The following ARPC1A variants were observed in gnomAD, a reference collection of about 807,000 sequenced individuals.
The protein encoded by ARPC1A is actin related protein 2/3 complex subunit 1A.
Under a neutral mutation model 46.9 loss-of-function variants are expected in ARPC1A, and 8 were observed. The ratio of observed to expected loss-of-function variants is 0.17; its 90% CI spans 0.10 to 0.31. The LOEUF is 0.31. ARPC1A is among the 10% of genes least tolerant of loss of function. The pLI is 1.00. For missense variants in ARPC1A, 286 were observed against 483.6 expected (o/e 0.59, Z 3.83); for synonymous variants, 152 against 169.0 (o/e 0.90, Z 0.78).
At chr7:99,342,313 G>C (rs578007527) in intron 3 of ARPC1A, among the ~76,000 whole-genome samples, 1 of 152,076 alleles carries the variant, frequency 6.6e-6, no homozygotes, top group Non-Finnish European at 1.5e-5. Flanking sequence ...AGTGCTTTGG[G>C]AGGCTGAGGC....
rs201871541 is a variant in ARPC1A at position 99,348,992 on chromosome 7, C to T, written c.500+33C>T. 219 of 1,542,282 alleles carry T rather than the reference C, an allele frequency of 1.4e-4. 1 individual carries two copies. The East Asian group carries it at 3.2e-3, about 22-fold the overall frequency. On this transcript the variant is annotated intron_variant, in intron 5 of 9. Transcript: ENST00000262942. ...CCAGTGAGAACTGATAAACTTGAGC[C>T]GTGCATTCTTCATCCTTCAACAAAT...
chr7:99,337,022 A>G (rs1306339301), intron 2 of ARPC1A, among the ~76,000 whole-genome samples: 1 of 152,276 alleles, frequency 6.6e-6, no homozygotes, highest in East Asian at 1.9e-4. Flanking sequence ...AAAAAAAGAT[A>G]CATGAATACA....
chr7:99,326,672 C>G (rs1310528245), intron 1 of ARPC1A, among the ~76,000 whole-genome samples: 1 of 152,222 alleles, frequency 6.6e-6, no homozygotes, highest in Non-Finnish European at 1.5e-5. Flanking sequence ...TAAAAAGATT[C>G]TTACCGTTTT....
At chr7:99,332,247 G>T (rs1391413902) in intron 1 of ARPC1A, among the ~76,000 whole-genome samples, 5 of 152,116 alleles carry the variant, frequency 3.3e-5, no homozygotes, top group Admixed American at 2.6e-4. Flanking sequence ...TGTTGTGTTG[G>T]CATAATTATT....
At chr7:99,332,074 A>G (rs192687523) in intron 1 of ARPC1A, among the ~76,000 whole-genome samples, 25 of 152,222 alleles carry the variant, frequency 1.6e-4, no homozygotes, top group Admixed American at 7.2e-4. Flanking sequence ...TTAACTGTTT[A>G]TTTCCTCCTT....
chr7:99,326,206 T>C (rs1793044431), intron 1 of ARPC1A, among the ~76,000 whole-genome samples: 1 of 152,144 alleles, frequency 6.6e-6, no homozygotes, highest in African/African-American at 2.4e-5. Context: ...TTTCTCAGGA[T>C]GTTCGAGCTC....
intron 3 of ARPC1A, among the ~76,000 whole-genome samples, chr7:99,342,370 T>C (rs1793369094): frequency 6.6e-6 from 1 of 151,994 alleles, no homozygotes; most frequent in African/African-American, 2.4e-5. Context: ...CTGGGCAACA[T>C]GGTGAAACCC....
In ARPC1A at chr7:99,325,948, C is replaced by T. The variant is rs1345806989; in HGVS notation, c.-86C>T. On this transcript the variant is annotated 5_prime_UTR_variant, in exon 1 of 10. Coordinates refer to ENST00000262942, the MANE Select transcript of ARPC1A (RefSeq NM_006409.4). Reference sequence around the variant, plus strand: ...GCCCGACGGAGCCTGTTCGCGTCGACTGCCCAGAGTCCGCGAATCCTCCGC... The same window carrying T: ...GCCCGACGGAGCCTGTTCGCGTCGATTGCCCAGAGTCCGCGAATCCTCCGC... 1 of 152,598 alleles carries T rather than the reference C, an allele frequency of 6.6e-6. No homozygotes were observed. The highest frequency in any genetic ancestry group is 1.5e-5 in the Non-Finnish European group (1 of 68,072). The allele number at this position is 152,598 out of a possible 1,614,324, so 9.5% of individuals were successfully genotyped here.
intron 8 of ARPC1A, 159 bp downstream of exon 8, chr7:99,359,897 C>A (rs1054510803): frequency 7.1e-6 from 6 of 843,734 alleles, no homozygotes; most frequent in African/African-American, 6.8e-5. Context: ...GACCGCCAGG[C>A]TCTCATTTCC....
At chr7:99,362,320 G>A (rs1390551600) in intron 8 of ARPC1A, among the ~76,000 whole-genome samples, 1 of 147,052 alleles carries the variant, frequency 6.8e-6, no homozygotes, top group Non-Finnish European at 1.5e-5. Flanking sequence ...AAATAAAAAT[G>A]TAAAACCCCG....
chr7:99,354,867 C>G (rs967290104), intron 6 of ARPC1A, among the ~76,000 whole-genome samples: 12 of 152,040 alleles, frequency 7.9e-5, no homozygotes, highest in African/African-American at 2.9e-4. Flanking sequence ...AATCCCAGCA[C>G]TTTGGGAGGC....
chr7:99,339,157 A>G (rs976490136), intron 3 of ARPC1A, among the ~76,000 whole-genome samples: 4 of 152,166 alleles, frequency 2.6e-5, no homozygotes, highest in Non-Finnish European at 5.9e-5. Flanking sequence ...GTCACCTCTC[A>G]CCAGCAGTCC....
chr7:99,347,785 C>T (rs908877545), intron 4 of ARPC1A, among the ~76,000 whole-genome samples: 5 of 150,212 alleles, frequency 3.3e-5, no homozygotes, highest in African/African-American at 9.8e-5. Flanking sequence ...GCTGAGATCA[C>T]GCCATTGCAC....
chr7:99,348,807 A>G, intron 4 of ARPC1A, 45 bp from the exon 5 acceptor site: 1 of 1,507,018 alleles, frequency 6.6e-7, no homozygotes, highest in Non-Finnish European at 9.2e-7. Context: ...TCATTTGGGG[A>G]TGCTGGTTGA....
At chr7:99,336,271 A>C (rs1342485895) in intron 2 of ARPC1A, among the ~76,000 whole-genome samples, 1 of 152,124 alleles carries the variant, frequency 6.6e-6, no homozygotes, top group Non-Finnish European at 1.5e-5. Context: ...GGCTTTTGAA[A>C]TCTCTATATA....
At chr7:99,358,504 G>T in intron 7 of ARPC1A, 89 bp downstream of exon 7, 1 of 1,005,710 alleles carries the variant, frequency 9.9e-7, no homozygotes, top group Non-Finnish European at 1.5e-6. Context: ...CTAGCACAAA[G>T]CAGAACAGTT....
chr7:99,353,763 G>C, intron 5 of ARPC1A, 146 bp from the exon 6 acceptor site: 1 of 771,516 alleles, frequency 1.3e-6, no homozygotes, highest in South Asian at 1.9e-5. Flanking sequence ...ACAGGCTTGA[G>C]CCACCGTGCC....
intron 5 of ARPC1A, among the ~76,000 whole-genome samples, chr7:99,349,237 A>G (rs1793510391): frequency 6.6e-6 from 1 of 151,926 alleles, no homozygotes; most frequent in Admixed American, 6.6e-5. Context: ...AATTGTCTTT[A>G]TTCTTTGTAG....
At chr7:99,337,927 A>G (rs1159179269) in intron 2 of ARPC1A, among the ~76,000 whole-genome samples, 2 of 152,182 alleles carry the variant, frequency 1.3e-5, no homozygotes, top group Non-Finnish European at 2.9e-5. Context: ...GGTTAGAATC[A>G]TTAATTGACA....
Sources: allele counts gnomAD v4.1 joint callset (sites outside exome capture counted in the v4.1 genomes callset), GRCh38; gene constraint gnomAD v4.1.1; transcripts MANE v1.5; gene names NCBI Gene and HGNC (gene_info 2026-07-23, HGNC 2026-07-21).